Variants in SH3YL1 observed in about 807,000 individuals in gnomAD.
SH3YL1 encodes SH3 and SYLF domain containing 1.
Under a neutral mutation model 45.8 loss-of-function variants are expected in SH3YL1, and 41 were observed. The observed-to-expected ratio is 0.89, with a 90% confidence interval of 0.70 to 1.16. SH3YL1 has a LOEUF of 1.16. Among genes scored for constraint, SH3YL1 ranks in the 50% most tolerant of loss-of-function variants. SH3YL1 has a pLI of 0.00. For synonymous variants in SH3YL1, 152 were observed against 151.4 expected (o/e 1.00, Z -0.03); for missense variants, 389 against 409.6 (o/e 0.95, Z 0.43).
intron 4 of SH3YL1, among the ~76,000 whole-genome samples, chr2:234,869 G>A (rs1484077841): frequency 6.6e-6 from 1 of 152,098 alleles, no homozygotes; most frequent in Admixed American, 6.5e-5. Context: ...CTATTTCCAT[G>A]ACTTAATTTT....
At chr2:239,985 C>T (rs1294188005) in intron 4 of SH3YL1, 3 of 152,258 alleles carry the variant, frequency 2.0e-5, no homozygotes, top group African/African-American at 7.2e-5. Context: ...CACAGACTTC[C>T]TTCCCCCAGC....
chr2:250,032 TTG>T (rs1248097859), intron 2 of SH3YL1, among the ~76,000 whole-genome samples, 188 bp from the exon 3 acceptor site: 2 of 152,274 alleles, frequency 1.3e-5, no homozygotes, highest in Admixed American at 6.5e-5. Context: ...TGAATGTTTT[TTG>T]TGTTTGCTAT....
Position 218,795 on chromosome 2 carries a change from G to C in SH3YL1, c.*16C>G, listed in dbSNP as rs749400955. 2 of 1,547,840 alleles carry C rather than the reference G, an allele frequency of 1.3e-6. No individual in the cohort carries two copies. The highest frequency in any genetic ancestry group is 2.5e-5 in the South Asian group (2 of 78,736). ...TAATTTTTTTGTAATTCTCAAAGAA[G>C]AAAATAGTATACGCTTTAATTCATG... On this transcript the variant is annotated 3_prime_UTR_variant, in exon 10 of 10. Coordinates refer to ENST00000356150, the MANE Select transcript of SH3YL1 (RefSeq NM_015677.4).
chr2:244,768 G>A (rs1668716203), intron 4 of SH3YL1: 1 of 152,130 alleles, frequency 6.6e-6, no homozygotes, highest in South Asian at 2.1e-4. Flanking sequence ...GTTTGAGAAA[G>A]TCTCGGCCTT....
intron 4 of SH3YL1, 141 bp from the exon 5 acceptor site, chr2:234,413 T>C: frequency 1.7e-6 from 1 of 605,912 alleles, no homozygotes; most frequent in Middle Eastern, 3.3e-4. Flanking sequence ...ACAAGAGCCA[T>C]ATTTTTATTT....
At chr2:230,771 A>G (rs954808811) in intron 7 of SH3YL1, 6 of 436,546 alleles carry the variant, frequency 1.4e-5, no homozygotes, top group African/African-American at 1.2e-4. Context: ...AGCCTCCCAC[A>G]TATTATTTGT....
At chr2:249,698 ACT>A (rs1175406099) in intron 3 of SH3YL1, 31 bp downstream of exon 3, 2 of 1,408,296 alleles carry the variant, frequency 1.4e-6, no homozygotes, top group Non-Finnish European at 2.0e-6. Flanking sequence ...AAGAATGAAG[ACT>A]CTCTACTCCA....
intron 4 of SH3YL1, among the ~76,000 whole-genome samples, chr2:235,775 T>C (rs569113261): frequency 0.03 from 146 of 4,840 alleles, 9 homozygotes; most frequent in Middle Eastern, 0.25. Context: ...GCAGCATGGG[T>C]CAGGGGAGGC....
chr2:218,826 G>A lies in SH3YL1; in HGVS notation c.1014C>T (p.Tyr338=), dbSNP rs764895414. 49 of 1,613,086 alleles carry A rather than the reference G, an allele frequency of 3.0e-5. No homozygotes were observed. Among genetic ancestry groups the A allele is most frequent in the Non-Finnish European group, 4.0e-5 (47 of 1,179,428 alleles). The change falls in exon 10 of 10, where the codon TAC becomes TAT. Residue 338 remains tyrosine, a synonymous_variant. Coordinates refer to ENST00000356150, the MANE Select transcript of SH3YL1 (RefSeq NM_015677.4). ...RGQTGIFPAN[Y]VTMN ...AGTATACGCTTTAATTCATGGTTAC[G>A]TAGTTGGCTGGAAAAATGCCAGTTT...
rs368101998 is a variant in SH3YL1 at position 234,150 on chromosome 2, A to T, written c.404+10T>A. On this transcript the variant is annotated intron_variant, in intron 5 of 9. Coordinates refer to ENST00000356150, the MANE Select transcript of SH3YL1 (RefSeq NM_015677.4). ...ACCTTTACTGTCTAACATCTATTTAAAGAACTCACCTTCCCAAGGGCCCAA... is the reference window on the plus strand; with the variant it reads ...ACCTTTACTGTCTAACATCTATTTATAGAACTCACCTTCCCAAGGGCCCAA... 126 of 1,595,214 alleles carry T rather than the reference A, an allele frequency of 7.9e-5. No individual in the cohort carries two copies. In the African/African-American group the frequency reaches 1.6e-3, roughly 20 times the overall value.
intron 8 of SH3YL1, among the ~76,000 whole-genome samples, chr2:227,969 T>TCTTATACTTATACTTGCC (rs1430175678): frequency 6.6e-6 from 1 of 151,964 alleles, no homozygotes; most frequent in Admixed American, 6.6e-5. Flanking sequence ...TAAGAAAAGG[T>TCTTATACTTATACTTGCC]CAGATTTAAC....
rs1558247946 is a variant in SH3YL1, at chr2:247,607, TAAA to T, written c.227-8_227-6del. ...TGGCTGAGGGTGCAGACCATTCTAA[TAAA>T]AAAACAAACGAACGTTATCCTAACA... On this transcript the variant is annotated splice_polypyrimidine_tract_variant and splice_region_variant and intron_variant, in intron 3 of 9. Coordinates refer to ENST00000356150, the MANE Select transcript of SH3YL1 (RefSeq NM_015677.4). 7.8e-6 allele frequency: 12 copies of T among 1,548,028 alleles called. No homozygotes were observed. Among genetic ancestry groups the T allele is most frequent in the Non-Finnish European group, 1.0e-5 (12 of 1,145,872 alleles).
At chr2:245,349 ATAGT>A (rs1297305093) in intron 4 of SH3YL1, among the ~76,000 whole-genome samples, 1 of 152,228 alleles carries the variant, frequency 6.6e-6, no homozygotes, top group Non-Finnish European at 1.5e-5. Flanking sequence ...ATGAAATTCC[ATAGT>A]TAATTTCCAT....
At chr2:227,283 A>G (rs1667824403) in intron 8 of SH3YL1, among the ~76,000 whole-genome samples, 2 of 152,202 alleles carry the variant, frequency 1.3e-5, no homozygotes, top group Admixed American at 1.3e-4. Context: ...CTTTAAAAAT[A>G]TATTATTTGA....
At chr2:226,898 T>C (rs1208450619) in intron 8 of SH3YL1, among the ~76,000 whole-genome samples, 1 of 151,634 alleles carries the variant, frequency 6.6e-6, no homozygotes, top group African/African-American at 2.4e-5. Context: ...GCATAAATGG[T>C]GGATAATTCA....
chr2:243,682 T>C (rs777160409), intron 4 of SH3YL1: 4 of 1,135,566 alleles, frequency 3.5e-6, no homozygotes, highest in Non-Finnish European at 4.8e-6. Flanking sequence ...TTCTTTCCCT[T>C]AGTACCTTAA....
chr2:263,080 T>C (rs915148672), intron 1 of SH3YL1: 12 of 169,314 alleles, frequency 7.1e-5, no homozygotes, highest in African/African-American at 2.9e-4. Context: ...TCGAGACCTG[T>C]TCTCTCAACT....
intron 4 of SH3YL1, among the ~76,000 whole-genome samples, chr2:245,438 A>C (rs1200734608): frequency 2.0e-5 from 3 of 152,232 alleles, no homozygotes; most frequent in Non-Finnish European, 4.4e-5. Context: ...AAGATGAAGA[A>C]GATATTAAAA....
At chr2:253,960 G>C (rs1669194362) in intron 1 of SH3YL1, among the ~76,000 whole-genome samples, 1 of 151,942 alleles carries the variant, frequency 6.6e-6, no homozygotes, top group Admixed American at 6.6e-5. Context: ...TCTCATCTCA[G>C]AAATTATAAA....
Sources: allele counts gnomAD v4.1 joint callset (sites outside exome capture counted in the v4.1 genomes callset), GRCh38; gene constraint gnomAD v4.1.1; transcripts MANE v1.5; gene names NCBI Gene and HGNC (gene_info 2026-07-23, HGNC 2026-07-21).